The following FHIT variants were observed in gnomAD, a reference collection of about 807,000 sequenced individuals.
The protein encoded by FHIT is fragile histidine triad diadenosine triphosphatase, also known as bis(5'-adenosyl)-triphosphatase.
In FHIT, 19 loss-of-function variants were observed where a neutral mutation model predicts 17.9. The ratio of observed to expected loss-of-function variants is 1.06; its 90% CI spans 0.74 to 1.56. FHIT has a LOEUF of 1.56. FHIT is among the 40% of genes most tolerant of loss of function. FHIT has a pLI of 0.00. For missense variants in FHIT, 248 were observed against 189.2 expected (o/e 1.31, Z -1.82); for synonymous variants, 81 against 69.7 (o/e 1.16, Z -0.81).
chr3:60,386,767 G>A (rs988199084), intron 5 of FHIT, among the ~76,000 whole-genome samples: 2 of 152,144 alleles, frequency 1.3e-5, no homozygotes, highest in Non-Finnish European at 2.9e-5. Flanking sequence ...CATTTGTGAA[G>A]GGCCTACTGT....
chr3:61,082,937 A>T (rs1331022226), intron 2 of FHIT, among the ~76,000 whole-genome samples: 1 of 152,144 alleles, frequency 6.6e-6, no homozygotes, highest in African/African-American at 2.4e-5. Context: ...ACAAGATTGG[A>T]TGCATTCAGG....
At chr3:59,985,534 G>T (rs757703753) in intron 7 of FHIT, among the ~76,000 whole-genome samples, 3 of 152,082 alleles carry the variant, frequency 2.0e-5, no homozygotes, top group African/African-American at 7.2e-5. Context: ...ACATAATTTA[G>T]AATTTGCTAA....
At chr3:61,081,828 A>G (rs2035147752) in intron 2 of FHIT, among the ~76,000 whole-genome samples, 1 of 152,242 alleles carries the variant, frequency 6.6e-6, no homozygotes, top group African/African-American at 2.4e-5. Context: ...AGGCAATGAG[A>G]GTTCAAACTT....
At chr3:60,455,413 A>G (rs1161936502) in intron 5 of FHIT, among the ~76,000 whole-genome samples, 1 of 152,174 alleles carries the variant, frequency 6.6e-6, no homozygotes, top group African/African-American at 2.4e-5. Context: ...CCTTCATCAT[A>G]AAACAAGATG....
At chr3:60,319,185 C>A (rs1709304335) in intron 5 of FHIT, among the ~76,000 whole-genome samples, 1 of 152,146 alleles carries the variant, frequency 6.6e-6, no homozygotes, top group Non-Finnish European at 1.5e-5. Context: ...CATGGACATA[C>A]TTGGGGGCCA....
At chr3:60,047,457 T>G (rs1484843738) in intron 5 of FHIT, among the ~76,000 whole-genome samples, 1 of 152,196 alleles carries the variant, frequency 6.6e-6, no homozygotes, top group Admixed American at 6.5e-5. Context: ...CAGCAGCTAA[T>G]TCAAAGCCAT....
chr3:61,045,480 T>A (rs2033737975), intron 2 of FHIT, among the ~76,000 whole-genome samples: 1 of 152,150 alleles, frequency 6.6e-6, no homozygotes, highest in African/African-American at 2.4e-5. Flanking sequence ...AGCACCCAGA[T>A]TCATAAAGCA....
chr3:60,284,376 A>G (rs73835242), intron 5 of FHIT, among the ~76,000 whole-genome samples: 2,587 of 152,216 alleles, frequency 0.017, 65 homozygotes, highest in African/African-American at 0.058. Context: ...AGTTCCAAAC[A>G]TAGTATGTGG....
chr3:60,205,846 C>T (rs1020018213), intron 5 of FHIT, among the ~76,000 whole-genome samples: 5 of 151,770 alleles, frequency 3.3e-5, no homozygotes, highest in South Asian at 2.1e-4. Flanking sequence ...CGGTGGCTCA[C>T]GCCTGTAATC....
chr3:61,067,805 G>T (rs1021118860), intron 2 of FHIT, among the ~76,000 whole-genome samples: 1 of 152,162 alleles, frequency 6.6e-6, no homozygotes, highest in Non-Finnish European at 1.5e-5. Flanking sequence ...TGCAGAATTT[G>T]AACACCCCAA....
Position 60,860,731 on chromosome 3 carries a change from T to A in FHIT, c.-110-38720A>T, listed in dbSNP as rs199785886. On this transcript the variant is annotated intron_variant, in intron 3 of 9. Coordinates refer to ENST00000492590, the MANE Select transcript of FHIT (RefSeq NM_002012.4). ...TGTACATATATATCAGGTATATATG[T>A]ACATATGTTCATATATATCAGGTAT... is the stretch of plus-strand genomic sequence containing the variant. 4.5e-3 allele frequency among the ~76,000 whole-genome samples: 284 copies of A among 62,954 alleles called. 53 individuals are homozygous for A. Among genetic ancestry groups the A allele is most frequent in the Admixed American group, 0.042 (239 of 5,702 alleles). 41.3% of individuals were successfully genotyped at this position (62,954 alleles called of 152,430 possible).
intron 3 of FHIT, among the ~76,000 whole-genome samples, chr3:60,990,439 G>A (rs890980296): frequency 6.6e-6 from 1 of 152,170 alleles, no homozygotes; most frequent in African/African-American, 2.4e-5. Context: ...ATGGGGTGGC[G>A]ATGATAAAAG....
At chr3:60,236,180 T>C (rs972419059) in intron 5 of FHIT, among the ~76,000 whole-genome samples, 1 of 151,616 alleles carries the variant, frequency 6.6e-6, no homozygotes, top group Non-Finnish European at 1.5e-5. Flanking sequence ...ATCAATTCCA[T>C]TGTTCTAAGT....
chr3:61,055,794 G>A (rs911005763), intron 2 of FHIT, among the ~76,000 whole-genome samples: 3 of 152,134 alleles, frequency 2.0e-5, no homozygotes, highest in South Asian at 2.1e-4. Flanking sequence ...TCTAATGAGG[G>A]ACAGAGAGAA....
At chr3:60,665,197 T>C (rs1438108018) in intron 4 of FHIT, among the ~76,000 whole-genome samples, 4 of 152,028 alleles carry the variant, frequency 2.6e-5, no homozygotes, top group Non-Finnish European at 4.4e-5. Flanking sequence ...GCCTATGATA[T>C]GATCTATTTT....
intron 5 of FHIT, among the ~76,000 whole-genome samples, chr3:60,037,763 G>C (rs975907490): frequency 1.3e-5 from 2 of 151,456 alleles, no homozygotes; most frequent in Admixed American, 6.6e-5. Flanking sequence ...ACCCAGGCTG[G>C]AGTGCAGTGA....
rs572525799 is a variant in FHIT at position 60,655,890 on chromosome 3, G to A, written c.-17-118911C>T. ...TTTGGAAGGGGTTAGTTGTTGGAAGGTTGGCAAGACACTAGTGACTCCACG... is the reference window on the plus strand; with the variant it reads ...TTTGGAAGGGGTTAGTTGTTGGAAGATTGGCAAGACACTAGTGACTCCACG... On this transcript the variant is annotated intron_variant, in intron 4 of 9. Transcript: ENST00000492590. Among the ~76,000 whole-genome samples, 10 of 152,280 alleles carry A rather than the reference G, an allele frequency of 6.6e-5. No individual in the cohort carries two copies. The South Asian group carries it at 1.9e-3, about 28-fold the overall frequency.
At chr3:60,176,533 G>GCTCAAACTCTCAAACTCATACTTCTCAAA (rs2107424258) in intron 5 of FHIT, among the ~76,000 whole-genome samples, 1 of 152,236 alleles carries the variant, frequency 6.6e-6, no homozygotes, top group African/African-American at 2.4e-5. Context: ...AAACTTTAAG[G>GCTCAAACTCTCAAACTCATACTTCTCAAA]CTGTGTGATA....
intron 2 of FHIT, among the ~76,000 whole-genome samples, chr3:61,046,651 A>G (rs1179321047): frequency 6.6e-6 from 1 of 152,202 alleles, no homozygotes; most frequent in Non-Finnish European, 1.5e-5. Context: ...TGAGGCCAGC[A>G]TCATCCTGAT....
Sources: allele counts gnomAD v4.1 joint callset (sites outside exome capture counted in the v4.1 genomes callset), GRCh38; gene constraint gnomAD v4.1.1; transcripts MANE v1.5; gene names NCBI Gene and HGNC (gene_info 2026-07-23, HGNC 2026-07-21).